Variants in CUX1 observed in about 807,000 individuals in gnomAD.
CUX1 encodes cut like homeobox 1, also known as protein CASP.
In CUX1, 31 loss-of-function variants were observed where a neutral mutation model predicts 158.8. The observed-to-expected ratio is 0.20, with a 90% CI of 0.15 to 0.26. The LOEUF is 0.26. Ranked by LOEUF, CUX1 falls within the 10% of genes least tolerant of loss-of-function variation. The pLI is 1.00. For missense variants in CUX1, 1,589 were observed against 2,014.6 expected (o/e 0.79, Z 4.04); for synonymous variants, 879 against 862.1 (o/e 1.02, Z -0.34).
At chr7:102,194,437 T>TAAA in intron 13 of CUX1, among the ~76,000 whole-genome samples, 1 of 144,262 alleles carries the variant, frequency 6.9e-6, no homozygotes, top group South Asian at 2.2e-4. Flanking sequence ...ATGTTGCTAT[T>TAAA]AAAAAAAAAA....
intron 22 of CUX1, among the ~76,000 whole-genome samples, chr7:102,234,708 T>A (rs556352523): frequency 6.9e-6 from 1 of 145,730 alleles, no homozygotes; most frequent in African/African-American, 2.6e-5. Context: ...TCACTTGAGG[T>A]CAGGAGTTCA....
chr7:101,921,651 G>A (rs539136096), intron 2 of CUX1, among the ~76,000 whole-genome samples: 5 of 152,042 alleles, frequency 3.3e-5, no homozygotes, highest in African/African-American at 7.2e-5. Flanking sequence ...TAGTAGAGAC[G>A]GAGTTCCACC....
At chr7:102,234,592 G>T (rs1399702157) in intron 22 of CUX1, among the ~76,000 whole-genome samples, 1 of 152,040 alleles carries the variant, frequency 6.6e-6, no homozygotes, top group African/African-American at 2.4e-5. Flanking sequence ...GGTGGCTAGA[G>T]GCCTTCCTTT....
At chr7:102,204,307 G>A (rs550361913) in intron 18 of CUX1, 84 bp from the exon 19 acceptor site, 88 of 1,548,406 alleles carry the variant, frequency 5.7e-5, no homozygotes, top group Middle Eastern at 3.9e-4. Flanking sequence ...CGCCCTCTGC[G>A]TGGTGGGTGT....
chr7:102,270,603 G>A (rs566369022), intron 14 of CUX1, among the ~76,000 whole-genome samples: 7 of 152,280 alleles, frequency 4.6e-5, no homozygotes, highest in South Asian at 2.1e-4. Context: ...TCTGCTGCCC[G>A]TGCAACTGGC....
chr7:102,163,582 T>C (rs1387539438), intron 9 of CUX1, among the ~76,000 whole-genome samples: 1 of 152,106 alleles, frequency 6.6e-6, no homozygotes, highest in Non-Finnish European at 1.5e-5. Flanking sequence ...TAGAAGGATC[T>C]CTCTGGCTAT....
intron 1 of CUX1, among the ~76,000 whole-genome samples, chr7:101,825,790 T>TGTGTGTGTGTGC (rs1384686465): frequency 3.8e-4 from 39 of 103,814 alleles, no homozygotes; most frequent in African/African-American, 1.7e-3. Flanking sequence ...TGTGTGTGTG[T>TGTGTGTGTGTGC]GTGTGTGTGC....
chr7:102,233,520 C>T (rs1183212413), intron 21 of CUX1, among the ~76,000 whole-genome samples: 2 of 152,164 alleles, frequency 1.3e-5, no homozygotes, highest in Non-Finnish European at 2.9e-5. Context: ...GATGCGGTGA[C>T]TCATGCCTAT....
At chr7:101,887,139 G>A (rs1400732803) in intron 1 of CUX1, among the ~76,000 whole-genome samples, 2 of 152,146 alleles carry the variant, frequency 1.3e-5, no homozygotes, top group Admixed American at 1.3e-4. Flanking sequence ...TTGCAGGGAC[G>A]GTTTGGAAGG....
chr7:102,065,783 G>T (rs2130484093), intron 3 of CUX1, among the ~76,000 whole-genome samples: 1 of 151,984 alleles, frequency 6.6e-6, no homozygotes, highest in South Asian at 2.1e-4. Context: ...GGATACACGT[G>T]GAGTGGTTTT....
At chr7:101,849,092 G>A (rs946355340) in intron 1 of CUX1, among the ~76,000 whole-genome samples, 3 of 152,082 alleles carry the variant, frequency 2.0e-5, no homozygotes, top group African/African-American at 7.2e-5. Context: ...AGTCAGCCCT[G>A]TCCTTCTCTG....
chr7:102,111,857 CCGCGG>C, intron 7 of CUX1, 83 bp downstream of exon 7: 1 of 1,233,358 alleles, frequency 8.1e-7, no homozygotes, highest in South Asian at 1.3e-5. Context: ...GCCCCGGTCC[CCGCGG>C]ATACCTGTTG....
intron 2 of CUX1, among the ~76,000 whole-genome samples, chr7:101,972,211 C>T (rs1812044642): frequency 6.6e-6 from 1 of 152,224 alleles, no homozygotes; most frequent in Non-Finnish European, 1.5e-5. Flanking sequence ...CGTGATCCGC[C>T]TGCCTCCGCC....
At chr7:102,275,143 G>A in intron 16 of CUX1, 1 of 783,086 alleles carries the variant, frequency 1.3e-6, no homozygotes, top group Non-Finnish European at 2.1e-6. Context: ...TCTACCCCAT[G>A]GCATTTGGCA....
chr7:101,957,152 TGATATCACC>T (rs1452100749), intron 2 of CUX1, among the ~76,000 whole-genome samples: 2 of 152,288 alleles, frequency 1.3e-5, no homozygotes, highest in Middle Eastern at 6.8e-3. Context: ...GAAAAGATCA[TGATATCACC>T]TAAAGTAAGA....
chr7:102,139,061 A>G (rs1365817748), intron 8 of CUX1, among the ~76,000 whole-genome samples: 1 of 151,996 alleles, frequency 6.6e-6, no homozygotes, highest in Non-Finnish European at 1.5e-5. Context: ...CCTGGCCAAC[A>G]TGGAGAAACC....
At chr7:101,834,192 G>A (rs1486874334) in intron 1 of CUX1, among the ~76,000 whole-genome samples, 1 of 14,112 alleles carries the variant, frequency 7.1e-5, no homozygotes, top group Admixed American at 7.8e-4. Context: ...TTTTTTTTTT[G>A]AGATGGAGTC....
At chr7:102,133,080 C>T (rs1339198818) in intron 8 of CUX1, among the ~76,000 whole-genome samples, 1 of 152,168 alleles carries the variant, frequency 6.6e-6, no homozygotes, top group African/African-American at 2.4e-5. Context: ...CTAAAGTTAT[C>T]TTTCTAAAAT....
In CUX1 at chr7:102,242,455, C is replaced by T. The variant is rs572220416; in HGVS notation, c.3887+2871C>T. Among the ~76,000 whole-genome samples, 4 of 152,288 alleles carry T rather than the reference C, an allele frequency of 2.6e-5. No homozygotes were observed. In the South Asian group the frequency reaches 6.2e-4, roughly 24 times the overall value. On this transcript the variant is annotated intron_variant, in intron 23 of 23. Coordinates refer to ENST00000292535, the MANE Select transcript of CUX1 (RefSeq NM_181552.4). ...CAAACTCTTGACCTCAAGTGATCCA[C>T]CCACCTCGGCCTCCCAAAGTTCTGG...
Sources: allele counts gnomAD v4.1 joint callset (sites outside exome capture counted in the v4.1 genomes callset), GRCh38; gene constraint gnomAD v4.1.1; transcripts MANE v1.5; gene names NCBI Gene and HGNC (gene_info 2026-07-23, HGNC 2026-07-21).